Variants in SLC9C2 observed in about 807,000 individuals in gnomAD.
SLC9C2 encodes the protein solute carrier family 9 member C2 (putative), also known as sodium/hydrogen exchanger 11.
Under a neutral mutation model 140.2 loss-of-function variants are expected in SLC9C2, and 75 were observed. The observed-to-expected ratio is 0.53, with a 90% confidence interval of 0.44 to 0.65. The LOEUF (loss-of-function observed/expected upper bound fraction) is 0.65, where lower values mean the gene tolerates loss of function less well. Among genes scored for constraint, SLC9C2 ranks in the 30% least tolerant of loss-of-function variants. The pLI is 0.00. For synonymous variants in SLC9C2, 375 were observed against 420.9 expected, an observed-to-expected ratio of 0.89 and a Z score of 1.34; for missense variants, 1,074 against 1,331.8, an observed-to-expected ratio of 0.81 and a Z score of 3.01.
intron 4 of SLC9C2, among the ~76,000 whole-genome samples, chr1:173,594,189 T>G (rs918900173): frequency 3.9e-5 from 6 of 152,182 alleles, no homozygotes; most frequent in African/African-American, 1.4e-4. Context: ...TCATAGACCT[T>G]TAATGAAAAG....
chr1:173,586,194 A>T (rs747878876), intron 5 of SLC9C2, among the ~76,000 whole-genome samples: 4 of 152,112 alleles, frequency 2.6e-5, no homozygotes, highest in Non-Finnish European at 4.4e-5. Context: ...AAAAAATTGT[A>T]CTTAAGGGAG....
At chr1:173,592,776 G>A (rs1446239477) in intron 4 of SLC9C2, among the ~76,000 whole-genome samples, 3 of 152,124 alleles carry the variant, frequency 2.0e-5, no homozygotes, top group Non-Finnish European at 4.4e-5. Context: ...GGGTTTTCTA[G>A]ATATAGAATA....
At chr1:173,537,123 T>C (rs1187371399) in intron 13 of SLC9C2, 84 bp from the exon 14 acceptor site, 5 of 1,023,838 alleles carry the variant, frequency 4.9e-6, no homozygotes, top group Admixed American at 1.9e-5. Context: ...GCCCTCACTA[T>C]TATTACTGAA....
At chr1:173,506,223 G>C (rs1025735623) in intron 25 of SLC9C2, among the ~76,000 whole-genome samples, 1 of 152,194 alleles carries the variant, frequency 6.6e-6, no homozygotes, top group African/African-American at 2.4e-5. Flanking sequence ...CCATAAGGTA[G>C]AAACTTACTG....
intron 13 of SLC9C2, among the ~76,000 whole-genome samples, chr1:173,541,504 T>C (rs1406042234): frequency 2.6e-5 from 4 of 151,578 alleles, no homozygotes; most frequent in African/African-American, 7.3e-5. Context: ...CTGCACCAAG[T>C]GGACCTAATA....
At position 173,536,009 on chromosome 1, in the gene SLC9C2, A is replaced by G. The variant is rs998187676; in HGVS notation, c.1656-60T>C. The G allele has an allele frequency of 6.5e-6, 9 of 1,394,784 alleles. No homozygotes were observed. The African/African-American group carries it at 1.1e-4, about 17-fold the overall frequency. The allele number at this position is 1,394,784 out of a possible 1,614,324, so 86.4% of individuals were successfully genotyped here. ...AAAAGCAAGTGCTATACTTTGGGTT[A>G]ATATAAAAGGGGAAGGTGTACTAAG... On this transcript the variant is annotated intron_variant, in intron 14 of 27. Transcript: ENST00000367714.
In SLC9C2 at chr1:173,503,350, A is replaced by G. The variant is rs541049422; in HGVS notation, c.3311-24T>C. 3.1e-6 allele frequency: 5 copies of G among 1,602,612 alleles called. No individual in the cohort carries two copies. The African/African-American group carries it at 6.7e-5, about 21-fold the overall frequency. ...GGCTAACCAAATCCAAGCATTGAAC[A>G]GAAAAAGTAAATTAGGAATTTAAGA... On this transcript the variant is annotated intron_variant, in intron 26 of 27. Transcript: ENST00000367714.
chr1:173,505,758 T>C (rs746723432), intron 25 of SLC9C2, among the ~76,000 whole-genome samples: 2 of 152,200 alleles, frequency 1.3e-5, no homozygotes, highest in African/African-American at 2.4e-5. Flanking sequence ...CAAGTAATCA[T>C]TATAACTATC....
At chr1:173,566,001 C>A (rs1439667462) in intron 9 of SLC9C2, among the ~76,000 whole-genome samples, 1 of 151,998 alleles carries the variant, frequency 6.6e-6, no homozygotes, top group East Asian at 1.9e-4. Context: ...ATATGTTGAA[C>A]CATCCCTGCA....
intron 11 of SLC9C2, 71 bp from the exon 12 acceptor site, chr1:173,548,623 G>T: frequency 6.5e-7 from 1 of 1,538,262 alleles, no homozygotes; most frequent in Non-Finnish European, 8.9e-7. Context: ...AAAAAATGTT[G>T]CATGATCATG....
chr1:173,526,816 C>T, intron 18 of SLC9C2, 102 bp from the exon 19 acceptor site: 1 of 778,652 alleles, frequency 1.3e-6, no homozygotes, highest in Non-Finnish European at 2.1e-6. Flanking sequence ...GAGAAGCATA[C>T]TTATTATACC....
intron 13 of SLC9C2, among the ~76,000 whole-genome samples, chr1:173,537,986 C>T (rs1180277076): frequency 6.6e-6 from 1 of 152,184 alleles, no homozygotes; most frequent in African/African-American, 2.4e-5. Context: ...GCATTTAACA[C>T]ATTTTCTCAA....
intron 27 of SLC9C2, among the ~76,000 whole-genome samples, chr1:173,501,411 T>C (rs1429057539): frequency 6.6e-6 from 1 of 152,154 alleles, no homozygotes; most frequent in Non-Finnish European, 1.5e-5. Flanking sequence ...TGCAGGGCTA[T>C]TGGAAACTTT....
intron 2 of SLC9C2, among the ~76,000 whole-genome samples, chr1:173,600,496 G>C (rs183514244): frequency 1.3e-5 from 2 of 152,074 alleles, no homozygotes. Context: ...CTTTGTGTTA[G>C]ATGATTTTCC....
intron 8 of SLC9C2, among the ~76,000 whole-genome samples, chr1:173,574,181 T>C (rs965527896): frequency 6.6e-6 from 1 of 152,188 alleles, no homozygotes; most frequent in African/African-American, 2.4e-5. Context: ...CTCTAGACTC[T>C]CTCTCTTGAG....
chr1:173,550,673 G>A (rs942945659), intron 11 of SLC9C2, among the ~76,000 whole-genome samples: 4 of 151,624 alleles, frequency 2.6e-5, no homozygotes, highest in African/African-American at 7.3e-5. Flanking sequence ...TCTTGACCTT[G>A]TGATCCGCCC....
intron 13 of SLC9C2, among the ~76,000 whole-genome samples, chr1:173,544,132 T>A (rs1275120023): frequency 2.6e-5 from 4 of 151,876 alleles, no homozygotes; most frequent in African/African-American, 9.7e-5. Flanking sequence ...ATATCAAGAA[T>A]CTCCAAAGAA....
At chr1:173,566,218 C>T (rs1345635854) in intron 9 of SLC9C2, among the ~76,000 whole-genome samples, 3 of 152,154 alleles carry the variant, frequency 2.0e-5, no homozygotes, top group African/African-American at 7.2e-5. Flanking sequence ...AGTATTTCCT[C>T]CTCCTCTATT....
At chr1:173,507,529 C>T (rs1396922531) in intron 24 of SLC9C2, among the ~76,000 whole-genome samples, 1 of 151,936 alleles carries the variant, frequency 6.6e-6, no homozygotes, top group African/African-American at 2.4e-5. Flanking sequence ...CACACACACA[C>T]ACCACCTCCC....
Sources: allele counts gnomAD v4.1 joint callset (sites outside exome capture counted in the v4.1 genomes callset), GRCh38; gene constraint gnomAD v4.1.1; transcripts MANE v1.5; gene names NCBI Gene and HGNC (gene_info 2026-07-23, HGNC 2026-07-21).